The following SLC4A8 variants were observed in gnomAD, a reference collection of about 807,000 sequenced individuals.
SLC4A8 encodes electroneutral sodium bicarbonate exchanger 1.
Under a neutral mutation model 125.0 loss-of-function variants are expected in SLC4A8, and 40 were observed. That is an observed-to-expected ratio of 0.32 (90% CI 0.25 to 0.42). The LOEUF is 0.42. Among genes scored for constraint, SLC4A8 ranks in the 10% least tolerant of loss-of-function variants. The pLI is 1.00. For missense variants in SLC4A8, 863 were observed against 1,355.1 expected (o/e 0.64, Z 5.70); for synonymous variants, 456 against 476.0 (o/e 0.96, Z 0.55).
chr12:51,466,691 A>G (rs1950526121), intron 11 of SLC4A8, among the ~76,000 whole-genome samples: 1 of 152,228 alleles, frequency 6.6e-6, no homozygotes, highest in Non-Finnish European at 1.5e-5. Context: ...GATTTTATGC[A>G]TGAATGAGGT....
intron 1 of SLC4A8, among the ~76,000 whole-genome samples, chr12:51,407,087 G>T (rs1168152327): frequency 6.6e-6 from 1 of 152,204 alleles, no homozygotes; most frequent in African/African-American, 2.4e-5. Context: ...TTGGTGTCTG[G>T]TGAGGGCTGC....
chr12:51,480,309 T>C (rs969887428), intron 16 of SLC4A8: 16 of 1,228,046 alleles, frequency 1.3e-5, no homozygotes, highest in Admixed American at 6.0e-5. Context: ...TTAAAATGTA[T>C]TTATATGTAT....
At chr12:51,450,606 G>T in intron 2 of SLC4A8, 1 of 426,034 alleles carries the variant, frequency 2.3e-6, no homozygotes, top group Non-Finnish European at 4.2e-6. Flanking sequence ...ATCTGAATCA[G>T]CCTTTACAGT....
chr12:51,462,262 C>T, intron 9 of SLC4A8, 48 bp from the exon 10 acceptor site: 1 of 1,550,712 alleles, frequency 6.4e-7, no homozygotes, highest in Non-Finnish European at 8.9e-7. Flanking sequence ...GTGATTGTTT[C>T]ATGTAAAGTT....
intron 1 of SLC4A8, among the ~76,000 whole-genome samples, chr12:51,429,544 C>T (rs760418739): frequency 1.4e-4 from 22 of 151,958 alleles, no homozygotes; most frequent in African/African-American, 5.3e-4. Flanking sequence ...ACTCTGTTGC[C>T]CAGGCTGGAG....
intron 5 of SLC4A8, among the ~76,000 whole-genome samples, chr12:51,454,355 GAA>G (rs1453329500): frequency 1.5e-4 from 22 of 151,360 alleles, no homozygotes; most frequent in African/African-American, 4.9e-4. Flanking sequence ...ATTTGGAAAA[GAA>G]AAAGACACAG....
chr12:51,459,701 C>G (rs1950263076), intron 7 of SLC4A8, among the ~76,000 whole-genome samples: 1 of 152,016 alleles, frequency 6.6e-6, no homozygotes, highest in East Asian at 1.9e-4. Flanking sequence ...AAGACCCCAT[C>G]TCTACTAAAA....
rs1938280859 is a variant in SLC4A8, at chr12:51,509,198, G to A, written c.*1760G>A. The A allele has an allele frequency of 6.6e-6, 1 of 152,646 alleles. No individual in the cohort carries two copies. Among genetic ancestry groups the A allele is most frequent in the Admixed American group, 6.5e-5 (1 of 15,270 alleles). The allele number at this position is 152,646 out of a possible 1,614,324, so 9.5% of individuals were successfully genotyped here. ...AAAATGGTGTTCCTTTGAATCGTGG[G>A]TATTGTTCCTGGTTTGTCTCATTTC... On this transcript the variant is annotated 3_prime_UTR_variant, in exon 25 of 25. Coordinates refer to ENST00000453097, the MANE Select transcript of SLC4A8 (RefSeq NM_001039960.3).
chr12:51,450,102 C>G (rs1482464977), intron 2 of SLC4A8, among the ~76,000 whole-genome samples: 1 of 151,962 alleles, frequency 6.6e-6, no homozygotes, highest in African/African-American at 2.4e-5. Context: ...TTCTCATGTT[C>G]CCCTCTCTTT....
chr12:51,485,698 C>G lies in SLC4A8; in HGVS notation c.2173-89C>G, dbSNP rs1592261990. The G allele has an allele frequency of 9.0e-6, 6 of 667,968 alleles. No homozygotes were observed. In the East Asian group the frequency reaches 1.3e-4, roughly 14 times the overall value. 41.4% of individuals were successfully genotyped at this position (667,968 alleles called of 1,614,324 possible). A position where few individuals can be genotyped will look rare whatever the true frequency, so the allele number is the denominator to read the frequency against. On this transcript the variant is annotated intron_variant, in intron 16 of 24. Coordinates refer to ENST00000453097, the MANE Select transcript of SLC4A8 (RefSeq NM_001039960.3). ...TCAACTGTAAGATGAAAACATTCTTCTGAGGATTTTTAAGCCTTTTACAAT... is the reference window on the plus strand; with the variant it reads ...TCAACTGTAAGATGAAAACATTCTTGTGAGGATTTTTAAGCCTTTTACAAT...
intron 1 of SLC4A8, among the ~76,000 whole-genome samples, chr12:51,408,191 A>G (rs1948527740): frequency 6.6e-6 from 1 of 152,096 alleles, no homozygotes; most frequent in South Asian, 2.1e-4. Flanking sequence ...GGACTTCACC[A>G]TATCCTTTTC....
intron 19 of SLC4A8, among the ~76,000 whole-genome samples, chr12:51,492,174 G>A (rs932977387): frequency 1.3e-4 from 20 of 152,278 alleles, no homozygotes; most frequent in South Asian, 6.2e-4. Context: ...CCTGCATCTG[G>A]GAGATTGGGG....
chr12:51,407,094 C>G (rs1948502586), intron 1 of SLC4A8, among the ~76,000 whole-genome samples: 1 of 152,196 alleles, frequency 6.6e-6, no homozygotes, highest in Non-Finnish European at 1.5e-5. Flanking sequence ...CTGGTGAGGG[C>G]TGCTCTCCTC....
At chr12:51,475,576 C>G (rs1198883598) in intron 16 of SLC4A8, among the ~76,000 whole-genome samples, 1 of 152,178 alleles carries the variant, frequency 6.6e-6, no homozygotes, top group Admixed American at 6.5e-5. Context: ...GTCATTGTGA[C>G]CTTGGATACT....
upstream of SLC4A8, among the ~76,000 whole-genome samples, chr12:51,422,945 A>G (rs1948824669): frequency 6.6e-6 from 1 of 152,170 alleles, no homozygotes; most frequent in Admixed American, 6.5e-5. Context: ...ATTAACATAT[A>G]CCCTGTTTCC....
intron 20 of SLC4A8, among the ~76,000 whole-genome samples, 153 bp downstream of exon 20, chr12:51,493,925 T>C (rs1314099413): frequency 6.6e-6 from 1 of 152,210 alleles, no homozygotes; most frequent in East Asian, 1.9e-4. Flanking sequence ...TGTATTTGGA[T>C]ATAGGGAGAA....
intron 1 of SLC4A8, among the ~76,000 whole-genome samples, chr12:51,432,584 G>A (rs879417389): frequency 6.6e-6 from 1 of 151,916 alleles, no homozygotes; most frequent in Non-Finnish European, 1.5e-5. Context: ...TTAGCTGGGC[G>A]TGGTGGTGCG....
Position 51,417,720 on chromosome 12 carries a change from G to T in SLC4A8, c.-111-22988G>T, listed in dbSNP as rs1000026822. 7.2e-5 allele frequency among the ~76,000 whole-genome samples: 11 copies of T among 152,204 alleles called. No individual in the cohort carries two copies. The East Asian group carries it at 2.1e-3, about 29-fold the overall frequency. Reference sequence around the variant, plus strand: ...TTTAGTAGAGACGGGGTTTCACTATGTTGGCCAGGCTGGTCTCGAACTCCT... The same window carrying T: ...TTTAGTAGAGACGGGGTTTCACTATTTTGGCCAGGCTGGTCTCGAACTCCT... On this transcript the variant is annotated intron_variant, in intron 1 of 24. Transcript: ENST00000358657.
Position 51,469,595 on chromosome 12 carries a change from G to A in SLC4A8, c.1350-19G>A, listed in dbSNP as rs1385968963. 1 of 1,611,126 alleles carries A rather than the reference G, an allele frequency of 6.2e-7. No individual in the cohort carries two copies. Among genetic ancestry groups the A allele is most frequent in the African/African-American group, 1.3e-5 (1 of 74,770 alleles). Reference sequence around the variant, plus strand: ...GGAAGACGGACTGTGTTAGAAGCCTGTCTGTTGTGTTTCCACAGGCTATTT... The same window carrying A: ...GGAAGACGGACTGTGTTAGAAGCCTATCTGTTGTGTTTCCACAGGCTATTT... On this transcript the variant is annotated intron_variant, in intron 11 of 24. Coordinates refer to ENST00000453097, the MANE Select transcript of SLC4A8 (RefSeq NM_001039960.3).
Sources: allele counts gnomAD v4.1 joint callset (sites outside exome capture counted in the v4.1 genomes callset), GRCh38; gene constraint gnomAD v4.1.1; transcripts MANE v1.5; gene names NCBI Gene and HGNC (gene_info 2026-07-23, HGNC 2026-07-21).